Variants in PAM observed in about 807,000 individuals in gnomAD.
PAM encodes peptidyl-glycine alpha-amidating monooxygenase.
Under a neutral mutation model 122.1 loss-of-function variants are expected in PAM, and 72 were observed. The observed-to-expected ratio is 0.59, with a 90% confidence interval of 0.49 to 0.72. The LOEUF (loss-of-function observed/expected upper bound fraction) is 0.72. Ranked by LOEUF, PAM falls within the 30% of genes least tolerant of loss-of-function variation. The pLI is 0.00. For missense variants in PAM, 1,106 were observed against 1,183.7 expected (o/e 0.93, Z 0.96); for synonymous variants, 389 against 404.4 (o/e 0.96, Z 0.46).
intron 15 of PAM, among the ~76,000 whole-genome samples, chr5:102,979,405 T>C (rs1306567572): frequency 2.6e-5 from 4 of 152,192 alleles, no homozygotes; most frequent in Non-Finnish European, 5.9e-5. Context: ...TTAATTATAG[T>C]TATTGCTGGC....
intron 15 of PAM, 51 bp downstream of exon 15, chr5:102,974,487 C>T (rs767678813): frequency 5.0e-6 from 6 of 1,207,718 alleles, no homozygotes; most frequent in Middle Eastern, 2.0e-4. Flanking sequence ...CTACAATCCA[C>T]GTTAGCAAAA....
chr5:102,846,049 A>G (rs1468225709), intron 1 of PAM, among the ~76,000 whole-genome samples: 1 of 152,142 alleles, frequency 6.6e-6, no homozygotes, highest in Non-Finnish European at 1.5e-5. Flanking sequence ...CTTGTGTTTC[A>G]TGGGGTGTTG....
At chr5:103,017,067 T>G (rs1782220299) in intron 21 of PAM, among the ~76,000 whole-genome samples, 1 of 152,184 alleles carries the variant, frequency 6.6e-6, no homozygotes, top group Admixed American at 6.6e-5. Context: ...CTGTAAATTT[T>G]CACACTTAAA....
intron 3 of PAM, among the ~76,000 whole-genome samples, chr5:102,889,778 C>T (rs1386990483): frequency 6.6e-6 from 1 of 151,820 alleles, no homozygotes; most frequent in Non-Finnish European, 1.5e-5. Context: ...TGTCTAGAAC[C>T]AAGTCAGCGG....
chr5:102,843,096 C>T (rs113406255), intron 1 of PAM, among the ~76,000 whole-genome samples: 2 of 152,208 alleles, frequency 1.3e-5, no homozygotes, highest in African/African-American at 4.8e-5. Flanking sequence ...TAACCTAAAG[C>T]CTAATTATGT....
intron 7 of PAM, among the ~76,000 whole-genome samples, chr5:102,940,610 A>T (rs1045480833): frequency 2.0e-5 from 3 of 151,780 alleles, no homozygotes; most frequent in African/African-American, 7.3e-5. Context: ...AGAGGAAATA[A>T]AAAAAGTAAA....
At position 102,799,300 on chromosome 5, in the gene PAM, A is replaced by G. The variant is rs191239718; in HGVS notation, c.-374+43952A>G. Among the ~76,000 whole-genome samples, 203 of 152,336 alleles carry G rather than the reference A, an allele frequency of 1.3e-3. 2 individuals are homozygous for G. The highest frequency in any genetic ancestry group is 4.8e-3 in the African/African-American group (199 of 41,588). On this transcript the variant is annotated intron_variant, in intron 1 of 25. Coordinates refer to ENST00000438793, the MANE Select transcript of PAM (RefSeq NM_001177306.2). ...CGTGTATATTTAGAAACCAGAGAAC[A>G]TGCCAGACTGAGTGATGATTGTACA...
At chr5:102,829,660 C>A (rs1369255869) in intron 1 of PAM, among the ~76,000 whole-genome samples, 5 of 152,174 alleles carry the variant, frequency 3.3e-5, no homozygotes, top group Non-Finnish European at 5.9e-5. Context: ...AGGCGTGAGC[C>A]ACTGCGCCTG....
In PAM at chr5:103,005,997, C is replaced by T. The variant is rs1038816734; in HGVS notation, c.1803+771C>T. Reference sequence around the variant, plus strand: ...TCCCTCAGGCTGGAATGCAGTGGCACGATCTTGGCTCACTACAGCCTCCAC... The same window carrying T: ...TCCCTCAGGCTGGAATGCAGTGGCATGATCTTGGCTCACTACAGCCTCCAC... On this transcript the variant is annotated intron_variant, in intron 18 of 25. Transcript: ENST00000438793. 1.2e-4 allele frequency among the ~76,000 whole-genome samples: 19 copies of T among 152,178 alleles called. No individual in the cohort carries two copies. The South Asian group carries it at 1.7e-3, about 13-fold the overall frequency.
chr5:102,824,903 T>G (rs546280782), intron 1 of PAM, among the ~76,000 whole-genome samples: 2 of 152,296 alleles, frequency 1.3e-5, no homozygotes, highest in South Asian at 4.1e-4. Flanking sequence ...AAAACCTATA[T>G]GTAGTTCCTA....
intron 18 of PAM, among the ~76,000 whole-genome samples, chr5:103,005,707 G>A (rs376851832): frequency 6.6e-6 from 1 of 152,136 alleles, no homozygotes; most frequent in East Asian, 1.9e-4. Context: ...ATTTGGATTT[G>A]AGGCACAAAC....
chr5:102,854,105 T>C (rs1317415384), intron 1 of PAM, among the ~76,000 whole-genome samples: 1 of 152,178 alleles, frequency 6.6e-6, no homozygotes, highest in East Asian at 1.9e-4. Context: ...TTCCTTGACT[T>C]CTGTGCCTCT....
At chr5:102,758,083 T>TG (rs1397179008) in intron 1 of PAM, among the ~76,000 whole-genome samples, 1 of 45,632 alleles carries the variant, frequency 2.2e-5, no homozygotes, top group African/African-American at 7.6e-5. Context: ...GTTTTTTTTT[T>TG]TTTTTTTTTT....
intron 16 of PAM, among the ~76,000 whole-genome samples, chr5:102,999,007 G>C (rs1035232276): frequency 2.6e-5 from 4 of 152,172 alleles, no homozygotes; most frequent in African/African-American, 9.6e-5. Flanking sequence ...TCAGGTAGAA[G>C]GGGAAGCAAA....
intron 23 of PAM, among the ~76,000 whole-genome samples, 161 bp downstream of exon 23, chr5:103,020,004 C>T (rs1455101364): frequency 7.2e-6 from 1 of 139,564 alleles, no homozygotes; most frequent in Non-Finnish European, 1.6e-5. Context: ...CTGTATGTTG[C>T]CACTTCCCTT....
intron 1 of PAM, among the ~76,000 whole-genome samples, chr5:102,768,030 C>T (rs1243839050): frequency 2.6e-5 from 4 of 152,032 alleles, no homozygotes; most frequent in Non-Finnish European, 1.5e-5. Flanking sequence ...ATGTAATGCA[C>T]TTAGAGTGGA....
chr5:102,904,476 C>G (rs1017580948), intron 4 of PAM, among the ~76,000 whole-genome samples: 1 of 151,508 alleles, frequency 6.6e-6, no homozygotes, highest in Non-Finnish European at 1.5e-5. Context: ...GCATTTCAAA[C>G]AGTAGATAAT....
At chr5:102,903,062 A>G (rs1301865977) in intron 4 of PAM, among the ~76,000 whole-genome samples, 2 of 151,656 alleles carry the variant, frequency 1.3e-5, no homozygotes, top group South Asian at 2.1e-4. Flanking sequence ...ATAAAGGTCT[A>G]TATTAGAACC....
intron 7 of PAM, among the ~76,000 whole-genome samples, chr5:102,941,982 T>C (rs561081109): frequency 8.5e-5 from 13 of 152,128 alleles, no homozygotes; most frequent in African/African-American, 3.1e-4. Flanking sequence ...TTGCCTCTCA[T>C]ACCTATGTCC....
Sources: allele counts gnomAD v4.1 joint callset (sites outside exome capture counted in the v4.1 genomes callset), GRCh38; gene constraint gnomAD v4.1.1; transcripts MANE v1.5; gene names NCBI Gene and HGNC (gene_info 2026-07-23, HGNC 2026-07-21).